The following UBAP2L variants were observed in gnomAD, a reference collection of about 807,000 sequenced individuals.
UBAP2L encodes ubiquitin associated protein 2 like.
A neutral mutation model predicts 130.6 loss-of-function variants in UBAP2L; 12 were observed. The observed-to-expected ratio is 0.09, with a 90% CI of 0.06 to 0.15. UBAP2L has a LOEUF of 0.15. Among genes scored for constraint, UBAP2L ranks in the 10% least tolerant of loss-of-function variants. The pLI, the probability that UBAP2L is intolerant of heterozygous loss-of-function variation, is 1.00. For synonymous variants in UBAP2L, 503 were observed against 524.7 expected, an observed-to-expected ratio of 0.96 and a Z score of 0.57; for missense variants, 965 against 1,332.5, an observed-to-expected ratio of 0.72 and a Z score of 4.29.
chr1:154,259,925 C>T, intron 21 of UBAP2L, 23 bp from the exon 22 acceptor site: 1 of 1,606,246 alleles, frequency 6.2e-7, no homozygotes, highest in Non-Finnish European at 8.5e-7. Context: ...TGAATCTCTG[C>T]TCTTTTTTCC....
chr1:154,227,226 G>C (rs1668249866), intron 2 of UBAP2L, 56 bp from the exon 3 acceptor site: 2 of 1,497,760 alleles, frequency 1.3e-6, no homozygotes, highest in Non-Finnish European at 1.9e-6. Context: ...ATAGGTTCCT[G>C]TTCTCTAAAC....
intron 4 of UBAP2L, among the ~76,000 whole-genome samples, chr1:154,232,679 G>A (rs1241317272): frequency 2.0e-5 from 3 of 152,028 alleles, no homozygotes; most frequent in East Asian, 1.9e-4. Context: ...TGCGACTGTC[G>A]TTTGGTCTTC....
chr1:154,260,197 G>A (rs140730134), intron 22 of UBAP2L, among the ~76,000 whole-genome samples, 168 bp downstream of exon 22: 132 of 152,256 alleles, frequency 8.7e-4, no homozygotes, highest in African/African-American at 3.1e-3. Context: ...ACTTTGTGTT[G>A]TCTCCCTGTG....
intron 17 of UBAP2L, 55 bp downstream of exon 17, chr1:154,255,381 TC>T: frequency 6.3e-7 from 1 of 1,590,352 alleles, no homozygotes; most frequent in Non-Finnish European, 8.6e-7. Context: ...AACAGAGCTC[TC>T]TGGTCCTTAT....
chr1:154,266,046 G>A (rs1195861285), intron 24 of UBAP2L, among the ~76,000 whole-genome samples: 2 of 152,178 alleles, frequency 1.3e-5, no homozygotes, highest in East Asian at 3.8e-4. Flanking sequence ...TGCAGTGGAG[G>A]CATGGATTTT....
intron 18 of UBAP2L, among the ~76,000 whole-genome samples, chr1:154,256,817 C>T (rs914919342): frequency 6.6e-6 from 1 of 152,156 alleles, no homozygotes; most frequent in Non-Finnish European, 1.5e-5. Context: ...TACTGTCTTT[C>T]TGAACAGGAT....
At chr1:154,268,050 C>T (rs867080644) in intron 25 of UBAP2L, among the ~76,000 whole-genome samples, 6 of 151,436 alleles carry the variant, frequency 4.0e-5, no homozygotes, top group Admixed American at 6.6e-5. Context: ...CCACCATGCC[C>T]GGGTAATTTT....
At chr1:154,247,996 T>G (rs969549062) in intron 11 of UBAP2L, among the ~76,000 whole-genome samples, 1 of 151,910 alleles carries the variant, frequency 6.6e-6, no homozygotes, top group Non-Finnish European at 1.5e-5. Context: ...AGACAGAGTT[T>G]CACTCTTGTT....
chr1:154,241,438 C>A, intron 8 of UBAP2L, 75 bp from the exon 9 acceptor site: 1 of 1,478,448 alleles, frequency 6.8e-7, no homozygotes, highest in Non-Finnish European at 9.4e-7. Context: ...AAAATTAATA[C>A]ATTGATGTTT....
At chr1:154,252,399 G>A (rs1485492589) in intron 14 of UBAP2L, among the ~76,000 whole-genome samples, 1 of 150,368 alleles carries the variant, frequency 6.7e-6, no homozygotes, top group Non-Finnish European at 1.5e-5. Context: ...TCCTGCCTCA[G>A]CTTCCTGAGT....
chr1:154,263,351 C>T (rs531801011), intron 24 of UBAP2L: 21 of 1,394,470 alleles, frequency 1.5e-5, no homozygotes, highest in Admixed American at 6.6e-5. Flanking sequence ...TGTGTCTGAC[C>T]CTGTCTTACC....
At chr1:154,228,851 T>C in intron 4 of UBAP2L, 126 bp downstream of exon 4, 1 of 591,148 alleles carries the variant, frequency 1.7e-6, no homozygotes, top group Non-Finnish European at 2.9e-6. Context: ...AGTTGGGAAC[T>C]TTCTTGGAGA....
intron 18 of UBAP2L, among the ~76,000 whole-genome samples, chr1:154,256,147 T>C (rs1366430581): frequency 6.6e-6 from 1 of 152,246 alleles, no homozygotes; most frequent in Non-Finnish European, 1.5e-5. Context: ...TGAAAGTAGA[T>C]GCCAGGTGAG....
chr1:154,236,157 T>G (rs1671605162), intron 6 of UBAP2L, among the ~76,000 whole-genome samples: 1 of 152,190 alleles, frequency 6.6e-6, no homozygotes. Flanking sequence ...GAACATCTGA[T>G]AGTATCAACC....
rs753948704 is a variant in UBAP2L, at chr1:154,243,269, C to T, written c.809C>T (p.Pro270Leu). The T allele has an allele frequency of 5.0e-6, 8 of 1,612,066 alleles. No individual in the cohort carries two copies. Among genetic ancestry groups the T allele is most frequent in the Non-Finnish European group, 6.8e-6 (8 of 1,178,480 alleles). The part of the protein sequence containing the change: ...TASNVSSVPL[P>L]AENVTITAGQ... ...TCTAATGTGTCTTCAGTGCCTCTGC[C>T]TGCGGAGAATGTGACAATCACTGCT... The change falls in exon 10 of 27, where the codon CCT becomes CTT. Residue 270 changes from proline to leucine, a missense_variant. Pro to Leu is a moderately conservative substitution (Grantham distance 98). Transcript: ENST00000428931.
chr1:154,237,929 C>T (rs1672213876), intron 8 of UBAP2L, among the ~76,000 whole-genome samples: 9 of 152,136 alleles, frequency 5.9e-5, no homozygotes, highest in Admixed American at 5.9e-4. Context: ...AGTAAGAAAA[C>T]TCTGGAGTGC....
At chr1:154,262,959 C>T (rs750860064) in intron 24 of UBAP2L, 7 of 764,316 alleles carry the variant, frequency 9.2e-6, no homozygotes, top group Non-Finnish European at 1.4e-5. Context: ...AATTGGCATA[C>T]CTGATTCTAG....
intron 11 of UBAP2L, among the ~76,000 whole-genome samples, chr1:154,247,397 A>G (rs1404305502): frequency 1.3e-5 from 2 of 152,198 alleles, no homozygotes; most frequent in East Asian, 3.8e-4. Context: ...TAGAAAAAGA[A>G]GAAAGAAAAT....
At position 154,254,881 on chromosome 1, in the gene UBAP2L, T is replaced by C. The variant is rs368946791; in HGVS notation, c.1900T>C (p.Ser634Pro). 8 of 1,601,172 alleles carry C rather than the reference T, an allele frequency of 5.0e-6. No individual in the cohort carries two copies. Among genetic ancestry groups the C allele is most frequent in the African/African-American group, 4.1e-5 (3 of 73,744 alleles). The change falls in exon 16 of 27, where the codon TCT becomes CCT. Residue 634 changes from serine (S) to proline (P), a missense_variant. By Grantham distance (74) the Ser-to-Pro change is moderately conservative. Coordinates refer to ENST00000428931, the MANE Select transcript of UBAP2L (RefSeq NM_014847.4). ...VQATQLQTTQ[S>P]VEGATGSAVK... is the part of the protein sequence containing the mutation. ...GGCCACGCAGTTACAGACCACACAA[T>C]CTGTTGAAGGTGAGTGTTCTTCAGG...
Sources: gnomAD v4.1 joint callset for allele counts (sites outside exome capture counted in the v4.1 genomes callset) on GRCh38, gnomAD v4.1.1 for gene constraint, MANE v1.5 for transcripts, NCBI Gene and HGNC (gene_info 2026-07-23, HGNC 2026-07-21) for gene names.